The following DYNC1I1 variants were observed in gnomAD, a reference collection of about 807,000 sequenced individuals.
DYNC1I1 encodes dynein cytoplasmic 1 intermediate chain 1, also known as cytoplasmic dynein 1 intermediate chain 1.
Under a neutral mutation model 86.6 loss-of-function variants are expected in DYNC1I1, and 43 were observed. The ratio of observed to expected loss-of-function variants is 0.50; its 90% CI spans 0.39 to 0.64. The LOEUF is 0.64. Ranked by LOEUF, DYNC1I1 falls within the 30% of genes least tolerant of loss-of-function variation. The probability of loss-of-function intolerance (pLI) is 0.00; values close to 1 mark genes in which losing one functional copy is unlikely to be tolerated. For synonymous variants in DYNC1I1, 262 were observed against 283.7 expected, an observed-to-expected ratio of 0.92 and a Z score of 0.77; for missense variants, 604 against 788.8, an observed-to-expected ratio of 0.77 and a Z score of 2.81.
intron 6 of DYNC1I1, among the ~76,000 whole-genome samples, chr7:95,934,288 G>T (rs1229987524): frequency 6.6e-6 from 1 of 152,116 alleles, no homozygotes; most frequent in African/African-American, 2.4e-5. Flanking sequence ...TACACTATTA[G>T]GTACTAGGGG....
At chr7:95,908,567 A>G (rs2116332338) in intron 6 of DYNC1I1, among the ~76,000 whole-genome samples, 1 of 152,206 alleles carries the variant, frequency 6.6e-6, no homozygotes, top group Non-Finnish European at 1.5e-5. Flanking sequence ...TGATTTCCTG[A>G]GCATTTTTCT....
At chr7:95,869,759 C>A in intron 5 of DYNC1I1, 124 bp from the exon 6 acceptor site, 5 of 932,436 alleles carry the variant, frequency 5.4e-6, no homozygotes, top group South Asian at 3.2e-5. Context: ...CATGACCCTG[C>A]CCCTTGCACT....
intron 14 of DYNC1I1, among the ~76,000 whole-genome samples, chr7:96,067,261 C>T (rs774473719): frequency 2.6e-5 from 4 of 152,030 alleles, no homozygotes; most frequent in South Asian, 2.1e-4. Context: ...ATTTTTTTCC[C>T]GCAACCCCAA....
chr7:95,837,882 G>A (rs1789157694), intron 5 of DYNC1I1, among the ~76,000 whole-genome samples: 1 of 152,214 alleles, frequency 6.6e-6, no homozygotes, highest in African/African-American at 2.4e-5. Flanking sequence ...ACTCCCTAGT[G>A]AGATGAACCC....
At chr7:95,863,280 T>C (rs1263525304) in intron 5 of DYNC1I1, among the ~76,000 whole-genome samples, 2 of 152,200 alleles carry the variant, frequency 1.3e-5, no homozygotes, top group African/African-American at 4.8e-5. Context: ...GCTACATCTT[T>C]TATTATTCCA....
At chr7:96,062,195 A>G (rs1056517729) in intron 14 of DYNC1I1, among the ~76,000 whole-genome samples, 2 of 152,208 alleles carry the variant, frequency 1.3e-5, no homozygotes, top group Non-Finnish European at 2.9e-5. Context: ...GCACAAACCT[A>G]AAGTAAAGTC....
chr7:95,815,610 T>C (rs1794929587), intron 4 of DYNC1I1, among the ~76,000 whole-genome samples: 1 of 152,196 alleles, frequency 6.6e-6, no homozygotes, highest in Non-Finnish European at 1.5e-5. Context: ...CCACTTTGAA[T>C]GTCTTTTTAT....
chr7:95,832,598 A>G (rs1471896862), intron 5 of DYNC1I1, among the ~76,000 whole-genome samples: 7 of 152,102 alleles, frequency 4.6e-5, no homozygotes, highest in East Asian at 1.9e-4. Flanking sequence ...GTGTAAAAGT[A>G]TTCCTATTTC....
intron 6 of DYNC1I1, among the ~76,000 whole-genome samples, chr7:95,906,454 G>A (rs1315093363): frequency 6.6e-6 from 1 of 151,756 alleles, no homozygotes; most frequent in Non-Finnish European, 1.5e-5. Flanking sequence ...ATACATCTGT[G>A]GCTCTTGCTT....
intron 14 of DYNC1I1, among the ~76,000 whole-genome samples, chr7:96,050,756 C>T (rs988675663): frequency 6.6e-6 from 1 of 152,106 alleles, no homozygotes; most frequent in Non-Finnish European, 1.5e-5. Flanking sequence ...TCATTTTTAT[C>T]ATTTTCCTTT....
chr7:96,080,550 T>C (rs1790484074), intron 16 of DYNC1I1, 62 bp downstream of exon 16: 7 of 1,613,626 alleles, frequency 4.3e-6, no homozygotes, highest in Admixed American at 1.7e-5. Flanking sequence ...AGAAACCTAG[T>C]GAAATTATTA....
At chr7:96,063,610 TCTC>T (rs71678056) in intron 14 of DYNC1I1, among the ~76,000 whole-genome samples, 3,703 of 152,176 alleles carry the variant, frequency 0.024, 154 homozygotes, top group African/African-American at 0.081. Context: ...TGTGTCCTAA[TCTC>T]CTCTTTTTAT....
intron 14 of DYNC1I1, among the ~76,000 whole-genome samples, chr7:96,051,396 G>A (rs1360911250): frequency 2.0e-5 from 3 of 151,984 alleles, no homozygotes; most frequent in Non-Finnish European, 4.4e-5. Context: ...CCATTATGTC[G>A]ACTGATCAGG....
chr7:96,058,684 G>T (rs1789658261), intron 14 of DYNC1I1, among the ~76,000 whole-genome samples: 1 of 152,068 alleles, frequency 6.6e-6, no homozygotes. Context: ...GCCCAGTTTG[G>T]AGTGCAGCAG....
chr7:95,941,172 G>T (rs1165361428), intron 6 of DYNC1I1, among the ~76,000 whole-genome samples: 1 of 152,080 alleles, frequency 6.6e-6, no homozygotes, highest in Non-Finnish European at 1.5e-5. Context: ...TTGTCTCAGC[G>T]GAGTACCCGG....
At chr7:96,087,836 T>C (rs912069781) in intron 16 of DYNC1I1, among the ~76,000 whole-genome samples, 37 of 152,294 alleles carry the variant, frequency 2.4e-4, no homozygotes, top group African/African-American at 8.2e-4. Flanking sequence ...ATGGGCAGAT[T>C]TGAGATGCTA....
At chr7:95,793,829 A>G (rs757012644) in intron 1 of DYNC1I1, among the ~76,000 whole-genome samples, 2 of 152,148 alleles carry the variant, frequency 1.3e-5, no homozygotes, top group African/African-American at 4.8e-5. Flanking sequence ...AGTGCCTACT[A>G]TGTGCCCAAT....
rs181011512 is a variant in DYNC1I1 at position 95,935,307 on chromosome 7, T to G, written c.491-42205T>G. On this transcript the variant is annotated intron_variant, in intron 6 of 16. Transcript: ENST00000447467. Reference sequence around the variant, plus strand: ...TCATGATGTCACATATTGCAGAATTTTCTTCTTTTTAAGGCTGAATAGTAT... The same window carrying G: ...TCATGATGTCACATATTGCAGAATTGTCTTCTTTTTAAGGCTGAATAGTAT... Among the ~76,000 whole-genome samples the G allele has an allele frequency of 3.3e-5, 5 of 152,164 alleles. No homozygotes were observed. The East Asian group carries it at 9.6e-4, about 29-fold the overall frequency.
intron 15 of DYNC1I1, among the ~76,000 whole-genome samples, chr7:96,079,832 TC>T (rs1312166752): frequency 1.3e-5 from 2 of 152,142 alleles, no homozygotes; most frequent in Non-Finnish European, 2.9e-5. Context: ...CTTTATGTTT[TC>T]CTTTTTTCTT....
Sources: allele counts gnomAD v4.1 joint callset (sites outside exome capture counted in the v4.1 genomes callset), GRCh38; gene constraint gnomAD v4.1.1; transcripts MANE v1.5; gene names NCBI Gene and HGNC (gene_info 2026-07-23, HGNC 2026-07-21).